The following TRERF1 variants were observed in gnomAD, a reference collection of about 807,000 sequenced individuals.
The protein encoded by TRERF1 is transcriptional-regulating factor 1.
In TRERF1, 27 loss-of-function variants were observed where a neutral mutation model predicts 122.9. The observed-to-expected ratio is 0.22, with a 90% CI of 0.16 to 0.30. The LOEUF is 0.30. TRERF1 is among the 10% of genes least tolerant of loss of function. The pLI, the probability that TRERF1 is intolerant of heterozygous loss-of-function variation, is 1.00. For missense variants in TRERF1, 1,248 were observed against 1,560.3 expected (o/e 0.80, Z 3.37); for synonymous variants, 636 against 641.7 (o/e 0.99, Z 0.13).
intron 2 of TRERF1, among the ~76,000 whole-genome samples, chr6:42,386,913 A>G (rs1202434552): frequency 6.6e-6 from 1 of 152,180 alleles, no homozygotes; most frequent in African/African-American, 2.4e-5. Flanking sequence ...GTTCCTGTAC[A>G]TGTAGGATGT....
rs555775972 is a variant in TRERF1 at position 42,437,982 on chromosome 6, C to T, written c.-454+13195G>A. Among the ~76,000 whole-genome samples, 111 of 151,980 alleles carry T rather than the reference C, an allele frequency of 7.3e-4. 1 individual carries two copies. In the South Asian group the frequency reaches 0.021, roughly 29 times the overall value. ...TGTCTCCCAGGTTCGAGTGCAATGG[C>T]GTGATCTCAGCTCCCTGCAATCTTC... On this transcript the variant is annotated intron_variant, in intron 2 of 17. Transcript: ENST00000372922.
At chr6:42,391,377 T>A (rs868332939) in intron 2 of TRERF1, among the ~76,000 whole-genome samples, 127 of 152,314 alleles carry the variant, frequency 8.3e-4, no homozygotes, top group Middle Eastern at 3.4e-3. Flanking sequence ...TGCCTAGGGT[T>A]AAGGACTGCC....
At chr6:42,399,309 T>G (rs1433562589) in intron 2 of TRERF1, among the ~76,000 whole-genome samples, 1 of 152,154 alleles carries the variant, frequency 6.6e-6, no homozygotes, top group Non-Finnish European at 1.5e-5. Context: ...GAGTTATCAT[T>G]CCCTTTACAG....
intron 3 of TRERF1, among the ~76,000 whole-genome samples, chr6:42,333,013 T>C (rs896086376): frequency 2.6e-5 from 4 of 152,128 alleles, no homozygotes; most frequent in African/African-American, 9.7e-5. Flanking sequence ...AGAACCAATC[T>C]TTACCCGTAA....
intron 5 of TRERF1, among the ~76,000 whole-genome samples, chr6:42,266,494 ATTC>A (rs1161547615): frequency 6.6e-6 from 1 of 152,150 alleles, no homozygotes; most frequent in African/African-American, 2.4e-5. Flanking sequence ...TGGCCCTGGA[ATTC>A]TTCTTAAAAA....
chr6:42,323,097 T>C (rs1350093821), intron 3 of TRERF1, among the ~76,000 whole-genome samples: 2 of 151,806 alleles, frequency 1.3e-5, no homozygotes, highest in Non-Finnish European at 2.9e-5. Flanking sequence ...AAAACATGTA[T>C]TTGTCTAAGA....
intron 3 of TRERF1, among the ~76,000 whole-genome samples, chr6:42,303,900 C>T (rs1407390424): frequency 2.4e-5 from 1 of 41,788 alleles, no homozygotes; most frequent in Non-Finnish European, 4.1e-5. Context: ...GAGACACTGT[C>T]TCATAAAAAA....
At chr6:42,433,346 A>G (rs1473317679) in intron 2 of TRERF1, among the ~76,000 whole-genome samples, 1 of 152,096 alleles carries the variant, frequency 6.6e-6, no homozygotes, top group East Asian at 1.9e-4. Flanking sequence ...ATGTTCTGCA[A>G]GCGATTTCTC....
chr6:42,240,793 T>A (rs1425642949), intron 15 of TRERF1, among the ~76,000 whole-genome samples: 1 of 152,220 alleles, frequency 6.6e-6, no homozygotes, highest in Non-Finnish European at 1.5e-5. Context: ...CCATTTAACA[T>A]CCCGGGTTAC....
At chr6:42,289,097 G>A (rs1289029076) in intron 4 of TRERF1, among the ~76,000 whole-genome samples, 1 of 152,050 alleles carries the variant, frequency 6.6e-6, no homozygotes, top group South Asian at 2.1e-4. Flanking sequence ...GCCAAGGCAG[G>A]TGGATCATTT....
intron 4 of TRERF1, among the ~76,000 whole-genome samples, chr6:42,286,430 C>T (rs2150093754): frequency 7.2e-6 from 1 of 138,816 alleles, no homozygotes; most frequent in East Asian, 2.1e-4. Flanking sequence ...ACAATGAACT[C>T]AAACAAATTT....
chr6:42,380,258 CCT>C (rs1023979717), intron 2 of TRERF1, among the ~76,000 whole-genome samples: 8 of 152,050 alleles, frequency 5.3e-5, no homozygotes, highest in Non-Finnish European at 8.8e-5. Context: ...GCAGACAGGC[CCT>C]GAGGCCACAG....
rs986611134 is a variant in TRERF1, at chr6:42,241,439, C to A, written c.2859+1809G>T. Among the ~76,000 whole-genome samples the A allele has an allele frequency of 2.0e-5, 3 of 152,112 alleles. No individual in the cohort carries two copies. In the East Asian group the frequency reaches 5.8e-4, roughly 29 times the overall value. On this transcript the variant is annotated intron_variant, in intron 15 of 17. Transcript: ENST00000372922. Reference sequence around the variant, plus strand: ...GCTAGGATCAATTATTAGTTAGAAGCATAGGCTTTGAAGCATTAATGAGTC... The same window carrying A: ...GCTAGGATCAATTATTAGTTAGAAGAATAGGCTTTGAAGCATTAATGAGTC...
At position 42,448,931 on chromosome 6, in the gene TRERF1, G is replaced by A. The variant is rs543617632; in HGVS notation, c.-454+2246C>T. Among the ~76,000 whole-genome samples, 3 of 152,250 alleles carry A rather than the reference G, an allele frequency of 2.0e-5. No homozygotes were observed. The South Asian group carries it at 6.2e-4, about 32-fold the overall frequency. Reference sequence around the variant, plus strand: ...AACCAACCCACCCATTAAAGAAGGAGAAAAAGAAAATCATAAACAAGCTTT... The same window carrying A: ...AACCAACCCACCCATTAAAGAAGGAAAAAAAGAAAATCATAAACAAGCTTT... On this transcript the variant is annotated intron_variant, in intron 2 of 17. Transcript: ENST00000372922.
intron 2 of TRERF1, among the ~76,000 whole-genome samples, chr6:42,405,879 G>C (rs1455747022): frequency 6.6e-6 from 1 of 151,852 alleles, no homozygotes; most frequent in African/African-American, 2.4e-5. Flanking sequence ...AAGCAGGCAG[G>C]GGGAAGCAAC....
At chr6:42,303,907 A>C (rs1786683809) in intron 3 of TRERF1, among the ~76,000 whole-genome samples, 1 of 143,862 alleles carries the variant, frequency 7.0e-6, no homozygotes, top group Non-Finnish European at 1.5e-5. Flanking sequence ...TGTCTCATAA[A>C]AAAAAAAAAA....
At chr6:42,402,259 T>C (rs1305540279) in intron 2 of TRERF1, among the ~76,000 whole-genome samples, 1 of 152,172 alleles carries the variant, frequency 6.6e-6, no homozygotes, top group Non-Finnish European at 1.5e-5. Flanking sequence ...GGGTTGCCTG[T>C]ATTGCAGAGG....
chr6:42,264,940 C>A, intron 6 of TRERF1, 86 bp from the exon 7 acceptor site: 3 of 1,435,846 alleles, frequency 2.1e-6, no homozygotes, highest in Non-Finnish European at 2.9e-6. Context: ...ATACCCACCA[C>A]AAACCCATTT....
chr6:42,288,889 C>T (rs934901301), intron 4 of TRERF1, among the ~76,000 whole-genome samples: 1 of 151,678 alleles, frequency 6.6e-6, no homozygotes, highest in African/African-American at 2.4e-5. Flanking sequence ...CCTCTTGAGG[C>T]TAAGGATCCT....
Sources: gnomAD v4.1 joint callset for allele counts (sites outside exome capture counted in the v4.1 genomes callset) on GRCh38, gnomAD v4.1.1 for gene constraint, MANE v1.5 for transcripts, NCBI Gene and HGNC (gene_info 2026-07-23, HGNC 2026-07-21) for gene names.